The following RAB11FIP3 variants were observed in gnomAD, a reference collection of about 807,000 sequenced individuals.
RAB11FIP3 encodes RAB11 family interacting protein 3.
In RAB11FIP3, 17 loss-of-function variants were observed where a neutral mutation model predicts 77.8. The ratio of observed to expected loss-of-function variants is 0.22; its 90% CI spans 0.15 to 0.33. The LOEUF (loss-of-function observed/expected upper bound fraction) is 0.33, where lower values mean the gene tolerates loss of function less well. Among genes scored for constraint, RAB11FIP3 ranks in the 10% least tolerant of loss-of-function variants. The pLI, the probability that RAB11FIP3 is intolerant of heterozygous loss-of-function variation, is 1.00. For missense variants in RAB11FIP3, 1,005 were observed against 1,011.2 expected (o/e 0.99, Z 0.08); for synonymous variants, 437 against 448.2 (o/e 0.98, Z 0.31).
chr16:474,580 A>G (rs531093311), intron 3 of RAB11FIP3, among the ~76,000 whole-genome samples: 1 of 152,122 alleles, frequency 6.6e-6, no homozygotes, highest in Non-Finnish European at 1.5e-5. Flanking sequence ...AGGGAAAGTC[A>G]GGGAGTGTAA....
chr16:498,193 A>G (rs2031281812), intron 6 of RAB11FIP3, among the ~76,000 whole-genome samples: 1 of 152,096 alleles, frequency 6.6e-6, no homozygotes, highest in African/African-American at 2.4e-5. Flanking sequence ...TTTTATTTTG[A>G]GACATTGTCT....
rs2055832766 is a variant in RAB11FIP3, at chr16:472,822, T to A, written c.903+1433T>A. On this transcript the variant is annotated intron_variant, in intron 3 of 13. Coordinates refer to ENST00000262305, the MANE Select transcript of RAB11FIP3 (RefSeq NM_014700.4). This position sits in a 1 kb window ranked among gnomAD's most constrained non-coding sequence, Gnocchi z 4.1. ...TATTTGGAAAAAGGGTCTTTGCGGA[T>A]GTAGTTCATTAAGGATCTCAAGGTG... Among the ~76,000 whole-genome samples the A allele has an allele frequency of 6.6e-6, 1 of 152,140 alleles. No individual in the cohort carries two copies. The highest frequency in any genetic ancestry group is 2.1e-4 in the South Asian group (1 of 4,824).
chr16:492,581 G>A (rs1235247996), intron 5 of RAB11FIP3, among the ~76,000 whole-genome samples: 1 of 135,690 alleles, frequency 7.4e-6, no homozygotes, highest in East Asian at 2.2e-4. Context: ...CTGTTTTAGG[G>A]GAAATCAGTT....
chr16:492,684 G>A (rs1326888605), intron 5 of RAB11FIP3, among the ~76,000 whole-genome samples: 1 of 152,204 alleles, frequency 6.6e-6, no homozygotes, highest in Non-Finnish European at 1.5e-5. Flanking sequence ...CCCACGCAGA[G>A]ACTTGCCCTC....
chr16:511,866 T>G (rs1596298618), intron 9 of RAB11FIP3, among the ~76,000 whole-genome samples: 2 of 93,444 alleles, frequency 2.1e-5, no homozygotes, highest in Non-Finnish European at 4.0e-5. Context: ...GCAGGCCAGG[T>G]AGGAGTAGTT....
intron 9 of RAB11FIP3, among the ~76,000 whole-genome samples, chr16:513,792 C>T (rs1001365388): frequency 4.6e-5 from 7 of 152,198 alleles, no homozygotes; most frequent in South Asian, 2.1e-4. Context: ...CTGTGCGGGA[C>T]GCCCCACACA....
intron 6 of RAB11FIP3, among the ~76,000 whole-genome samples, chr16:499,696 C>A (rs529242316): frequency 6.6e-6 from 1 of 150,978 alleles, no homozygotes; most frequent in Admixed American, 6.6e-5. Context: ...TACTCAGGAG[C>A]CTGAGGTAGG....
chr16:446,586 C>T (rs1481783908), intron 1 of RAB11FIP3, among the ~76,000 whole-genome samples: 1 of 152,232 alleles, frequency 6.6e-6, no homozygotes, highest in Non-Finnish European at 1.5e-5. Flanking sequence ...ATCTGCTGCT[C>T]TAGCCTGGTG....
At position 494,272 on chromosome 16, in the gene RAB11FIP3, T is replaced by G. The variant is rs369848751; in HGVS notation, c.1266-2552T>G. 2.2e-3 allele frequency among the ~76,000 whole-genome samples: 335 copies of G among 151,580 alleles called. 5 individuals carry two copies. Among genetic ancestry groups the G allele is most frequent in the African/African-American group, 7.8e-3 (321 of 41,234 alleles). ...AAAGGTCAGTAGGTAAACTGAACGA[T>G]GAGTCTGTCCTGTCCTATTAGTTCT... On this transcript the variant is annotated intron_variant, in intron 5 of 13. Transcript: ENST00000262305.
At chr16:488,037 G>T (rs746839253) in intron 4 of RAB11FIP3, among the ~76,000 whole-genome samples, 2 of 152,182 alleles carry the variant, frequency 1.3e-5, no homozygotes, top group Non-Finnish European at 2.9e-5. Context: ...GTGTGAAGAG[G>T]CTGGAGGTTT....
chr16:426,187 G>A lies in RAB11FIP3; in HGVS notation c.181G>A (p.Gly61Arg), dbSNP rs1237553592. 5.0e-5 allele frequency: 51 copies of A among 1,016,198 alleles called. No homozygotes were observed. The highest frequency in any genetic ancestry group is 5.9e-5 in the Non-Finnish European group (50 of 852,172). The allele number at this position is 1,016,198 out of a possible 1,614,324, so 62.9% of individuals were successfully genotyped here. Residue 61 changes from glycine to arginine, a missense_variant, in exon 1 of 14, where the codon GGG (glycine) becomes AGG (arginine). Gly to Arg is a moderately radical substitution (Grantham distance 125). Coordinates refer to ENST00000262305, the MANE Select transcript of RAB11FIP3 (RefSeq NM_014700.4). The surrounding 1 kb of genome is among the most constrained non-coding windows in gnomAD (Gnocchi z 5.0). Reference sequence around the variant, plus strand: ...CCCGGGCCTGGATGAGCCTGCGCCCGGGGCCGCTGCAGATGGCGGGGCGCG... The same window carrying A: ...CCCGGGCCTGGATGAGCCTGCGCCCAGGGCCGCTGCAGATGGCGGGGCGCG... ...QSPGLDEPAPGAAADGGARWS... is the reference protein window; with the variant it reads ...QSPGLDEPAPRAAADGGARWS...
Position 505,600 on chromosome 16 carries a change from G to A in RAB11FIP3, c.1472G>A (p.Arg491Lys), listed in dbSNP as rs771552581. 6.2e-7 allele frequency: 1 copy of A among 1,603,262 alleles called. No homozygotes were observed. Among genetic ancestry groups the A allele is most frequent in the Non-Finnish European group, 8.5e-7 (1 of 1,179,344 alleles). Residue 491 changes from arginine (R) to lysine (K), a missense_variant, in exon 8 of 14, where the codon AGG becomes AAG. By Grantham distance (26) the Arg-to-Lys change is conservative (BLOSUM62 2). Coordinates refer to ENST00000262305, the MANE Select transcript of RAB11FIP3 (RefSeq NM_014700.4). The surrounding 1 kb of genome is among the most constrained non-coding windows in gnomAD (Gnocchi z 4.0). Reference sequence around the variant, plus strand: ...ACCGGTGAGCAACACAGCCGCCTGAGGCAGGAGAACCTGCAGCTGGTGCAC... The same window carrying A: ...ACCGGTGAGCAACACAGCCGCCTGAAGCAGGAGAACCTGCAGCTGGTGCAC... Reference protein sequence around the residue: ...AATGEQHSRLRQENLQLVHRA... With the variant: ...AATGEQHSRLKQENLQLVHRA...
chr16:468,912 C>A (rs1374370592), intron 2 of RAB11FIP3, among the ~76,000 whole-genome samples: 1 of 152,244 alleles, frequency 6.6e-6, no homozygotes, highest in Non-Finnish European at 1.5e-5. Flanking sequence ...GCAAGACCCT[C>A]AGATTGTTTG....
intron 3 of RAB11FIP3, among the ~76,000 whole-genome samples, chr16:478,446 CT>C (rs1013105821): frequency 1.3e-5 from 2 of 152,108 alleles, no homozygotes; most frequent in Non-Finnish European, 2.9e-5. Context: ...CCGCCTCGGC[CT>C]TCCAAAGTGC....
At position 440,083 on chromosome 16, in the gene RAB11FIP3, G is replaced by GC. The variant is rs35754560; in HGVS notation, c.714+13371dup. Among the ~76,000 whole-genome samples, 454 of 151,164 alleles carry GC rather than the reference G, an allele frequency of 3.0e-3. 1 individual carries two copies. Among genetic ancestry groups the GC allele is most frequent in the Non-Finnish European group, 3.3e-3 (223 of 67,714 alleles). On this transcript the variant is annotated intron_variant, in intron 1 of 13. Transcript: ENST00000262305. ...TCTCGATCTCCTGACCTCATGATCC[G>GC]CCCCCCCCATCGGCCTCCCAAAGTG...
intron 7 of RAB11FIP3, among the ~76,000 whole-genome samples, chr16:503,934 C>T: frequency 6.8e-6 from 1 of 147,958 alleles, no homozygotes; most frequent in Non-Finnish European, 1.5e-5. Context: ...TGTACCCCCT[C>T]AATTCCTCCT....
intron 3 of RAB11FIP3, among the ~76,000 whole-genome samples, chr16:476,904 C>T (rs1484491838): frequency 6.6e-6 from 1 of 151,948 alleles, no homozygotes; most frequent in Admixed American, 6.6e-5. Context: ...GCCTGACCAA[C>T]ACGGTGAAAC....
intron 1 of RAB11FIP3, among the ~76,000 whole-genome samples, chr16:456,893 C>T (rs558049441): frequency 3.3e-5 from 5 of 152,114 alleles, no homozygotes; most frequent in Admixed American, 2.6e-4. Context: ...GTGTCCGTGC[C>T]ATCGGCAGGT....
At chr16:484,692 A>G (rs2056117041) in intron 4 of RAB11FIP3, among the ~76,000 whole-genome samples, 2 of 152,056 alleles carry the variant, frequency 1.3e-5, no homozygotes, top group South Asian at 4.1e-4. Context: ...TAAACTGTTG[A>G]CTTTTATGAT....
Sources: allele counts gnomAD v4.1 joint callset (sites outside exome capture counted in the v4.1 genomes callset), GRCh38; gene constraint gnomAD v4.1.1; non-coding constraint Gnocchi (gnomAD v3.1); transcripts MANE v1.5; gene names NCBI Gene and HGNC (gene_info 2026-07-23, HGNC 2026-07-21).